The following DENND4C variants were observed in gnomAD, a reference collection of about 807,000 sequenced individuals.
The protein encoded by DENND4C is DENN domain-containing protein 4C.
DENND4C carries 108 observed loss-of-function variants against 203.0 expected under a neutral mutation model. The ratio of observed to expected loss-of-function variants is 0.53; its 90% confidence interval spans 0.46 to 0.62. DENND4C has a LOEUF of 0.62. Among genes scored for constraint, DENND4C ranks in the 20% least tolerant of loss-of-function variants. The probability of loss-of-function intolerance (pLI) is 0.00; values close to 1 mark genes in which losing one functional copy is unlikely to be tolerated. For missense variants in DENND4C, 2,481 were observed against 2,301.2 expected (o/e 1.08, Z -1.60); for synonymous variants, 871 against 792.4 (o/e 1.10, Z -1.67).
rs907594398 is a variant in DENND4C at position 19,278,053 on chromosome 9, A to G, written c.305+1574A>G. Among the ~76,000 whole-genome samples, 22 of 147,378 alleles carry G rather than the reference A, an allele frequency of 1.5e-4. 2 individuals carry two copies. The highest frequency in any genetic ancestry group is 4.8e-4 in the Admixed American group (7 of 14,538). ...TATTATCACATATCCAAATTTTTCT[A>G]ATTCATGAAGCCTTTTTTTTCTTTT... is the stretch of plus-strand genomic sequence containing the variant. On this transcript the variant is annotated intron_variant, in intron 2 of 32. Coordinates refer to ENST00000434457, the MANE Select transcript of DENND4C (RefSeq NM_001330640.2).
intron 10 of DENND4C, among the ~76,000 whole-genome samples, chr9:19,307,710 C>T (rs1382424605): frequency 1.4e-5 from 2 of 145,782 alleles, no homozygotes; most frequent in Non-Finnish European, 3.0e-5. Flanking sequence ...GTGGAGGTTG[C>T]AGTGAGCGGA....
Position 19,286,828 on chromosome 9 carries a change from C to G in DENND4C, c.365C>G (p.Pro122Arg). 8.1e-7 allele frequency: 1 copy of G among 1,232,068 alleles called. No homozygotes were observed. Among genetic ancestry groups the G allele is most frequent in the Non-Finnish European group, 1.0e-6 (1 of 987,942 alleles). 76.3% of individuals were successfully genotyped at this position (1,232,068 alleles called of 1,614,324 possible). A position where few individuals can be genotyped will look rare whatever the true frequency, so the allele number is the denominator to read the frequency against. The change falls in exon 3 of 33, where the codon CCC becomes CGC. Residue 122 changes from proline (P) to arginine (R), a missense_variant. Coordinates refer to ENST00000434457, the MANE Select transcript of DENND4C (RefSeq NM_001330640.2). ...GGATGTGAAGTGATCCTAGCCACACCCTATGGTCGCTGTGCCAATGTCAAC... is the reference window on the plus strand; with the variant it reads ...GGATGTGAAGTGATCCTAGCCACACGCTATGGTCGCTGTGCCAATGTCAAC... ...IPGCEVILAT[P>R]YGRCANVNNS...
At chr9:19,315,906 A>G (rs759490822) in intron 10 of DENND4C, among the ~76,000 whole-genome samples, 9 of 151,974 alleles carry the variant, frequency 5.9e-5, no homozygotes, top group African/African-American at 1.9e-4. Context: ...GGGTTTCACC[A>G]TGTTGGCCAG....
intron 1 of DENND4C, among the ~76,000 whole-genome samples, chr9:19,267,737 C>T (rs1386122881): frequency 1.3e-5 from 2 of 151,936 alleles, no homozygotes; most frequent in African/African-American, 4.8e-5. Flanking sequence ...CAGGGTCTCA[C>T]CATCTTGCCC....
chr9:19,271,687 A>G (rs2130837773), intron 1 of DENND4C, among the ~76,000 whole-genome samples: 1 of 151,750 alleles, frequency 6.6e-6, no homozygotes, highest in African/African-American at 2.4e-5. Context: ...ACCAACATGG[A>G]GAAACCCCGT....
Position 19,275,189 on chromosome 9 carries a change from G to A in DENND4C, c.-17-969G>A, listed in dbSNP as rs1337650895. Among the ~76,000 whole-genome samples, 4 of 151,452 alleles carry A rather than the reference G, an allele frequency of 2.6e-5. No individual in the cohort carries two copies. In the South Asian group the frequency reaches 6.3e-4, roughly 24 times the overall value. ...GACAGGGTTTCACCATGTTAGCCAG[G>A]CTGGTGTCAAATTCCTGACCTCAAG... On this transcript the variant is annotated intron_variant, in intron 1 of 32. Coordinates refer to ENST00000434457, the MANE Select transcript of DENND4C (RefSeq NM_001330640.2).
At chr9:19,329,616 A>G (rs1423106735) in intron 16 of DENND4C, among the ~76,000 whole-genome samples, 1 of 152,162 alleles carries the variant, frequency 6.6e-6, no homozygotes, top group Non-Finnish European at 1.5e-5. Flanking sequence ...CCTTTGAGGC[A>G]CTTCCAGGCT....
intron 1 of DENND4C, among the ~76,000 whole-genome samples, chr9:19,275,853 T>C (rs1216386889): frequency 6.6e-6 from 1 of 152,086 alleles, no homozygotes; most frequent in African/African-American, 2.4e-5. Context: ...GTGATCCACT[T>C]GCCTTGGCCC....
intron 1 of DENND4C, among the ~76,000 whole-genome samples, chr9:19,244,346 T>G (rs1824567076): frequency 6.6e-6 from 1 of 152,120 alleles, no homozygotes; most frequent in South Asian, 2.1e-4. Context: ...GTTTTTAATT[T>G]GTCCTATCTC....
At chr9:19,334,692 A>T (rs184599875) in intron 17 of DENND4C, among the ~76,000 whole-genome samples, 11 of 150,870 alleles carry the variant, frequency 7.3e-5, no homozygotes, top group African/African-American at 2.7e-4. Flanking sequence ...TGCCCATCTA[A>T]TTTTTGTACT....
At chr9:19,324,544 A>T (rs1203837182) in intron 13 of DENND4C, 37 bp downstream of exon 13, 2 of 1,581,468 alleles carry the variant, frequency 1.3e-6, no homozygotes, top group South Asian at 2.3e-5. Flanking sequence ...TTAGAAAAAA[A>T]AGTTTGCCTT....
intron 1 of DENND4C, among the ~76,000 whole-genome samples, chr9:19,271,542 C>T (rs1831670186): frequency 6.6e-6 from 1 of 151,994 alleles, no homozygotes; most frequent in Admixed American, 6.6e-5. Context: ...TGCAAAGGAC[C>T]TAGTATAGTC....
intron 12 of DENND4C, among the ~76,000 whole-genome samples, chr9:19,318,805 A>G (rs1449631521): frequency 1.3e-5 from 2 of 152,196 alleles, no homozygotes; most frequent in East Asian, 1.9e-4. Context: ...TCATTTTAGC[A>G]TAATTACCTC....
chr9:19,242,262 ATT>A (rs1470713432), intron 1 of DENND4C, among the ~76,000 whole-genome samples: 4 of 152,098 alleles, frequency 2.6e-5, no homozygotes, highest in Non-Finnish European at 5.9e-5. Flanking sequence ...TAGCTCATTT[ATT>A]TTTATTGCTA....
chr9:19,317,330 ACTT>A, intron 12 of DENND4C, among the ~76,000 whole-genome samples: 1 of 151,838 alleles, frequency 6.6e-6, no homozygotes, highest in Non-Finnish European at 1.5e-5. Context: ...AGATGTGTAC[ACTT>A]TTGGCTTTAC....
chr9:19,273,234 A>C lies in DENND4C; in HGVS notation c.-17-2924A>C, dbSNP rs561887925. 2.3e-4 allele frequency among the ~76,000 whole-genome samples: 35 copies of C among 151,622 alleles called. 1 individual carries two copies. Among genetic ancestry groups the C allele is most frequent in the Non-Finnish European group, 4.9e-4 (33 of 67,962 alleles). ...CCAAAGTGCTGGTATTACAGGCGTG[A>C]GCCACTGCGCCTGGCAATTTTTGTA... On this transcript the variant is annotated intron_variant, in intron 1 of 32. Transcript: ENST00000434457.
Position 19,276,453 on chromosome 9 carries a change from A to T in DENND4C, c.279A>T (p.Arg93Ser). ...TTTTCCTCTGTTATAAGAGAGGGAG[A>T]GATAAACCACCGCTTACAGATATTG... ...PELFLCYKRG[R>S]DKPPLTDIGV... The change falls in exon 2 of 33, where the codon AGA becomes AGT. Residue 93 changes from arginine (R) to serine (S), a missense_variant. Transcript: ENST00000434457. 8.1e-7 allele frequency: 1 copy of T among 1,232,122 alleles called. No homozygotes were observed. Among genetic ancestry groups the T allele is most frequent in the East Asian group, 3.2e-5 (1 of 31,696 alleles). 76.3% of individuals were successfully genotyped at this position (1,232,122 alleles called of 1,614,324 possible).
At chr9:19,254,316 C>T (rs1002579300) in intron 1 of DENND4C, among the ~76,000 whole-genome samples, 1 of 152,138 alleles carries the variant, frequency 6.6e-6, no homozygotes, top group African/African-American at 2.4e-5. Context: ...TTCACAATAG[C>T]TGAGATGTGG....
chr9:19,265,271 T>G (rs1425029168), intron 1 of DENND4C, among the ~76,000 whole-genome samples: 2 of 151,934 alleles, frequency 1.3e-5, no homozygotes, highest in Admixed American at 6.6e-5. Context: ...TCCCCCTTGC[T>G]CTCCCAAAAT....
Sources: allele counts gnomAD v4.1 joint callset (sites outside exome capture counted in the v4.1 genomes callset), GRCh38; gene constraint gnomAD v4.1.1; transcripts MANE v1.5; gene names NCBI Gene and HGNC (gene_info 2026-07-23, HGNC 2026-07-21).